EXO1: variants seen among roughly 807,000 people sequenced by gnomAD.
EXO1 encodes exonuclease 1.
Under a neutral mutation model 84.5 loss-of-function variants are expected in EXO1, and 69 were observed. The observed-to-expected ratio is 0.82, with a 90% CI of 0.67 to 1.00. EXO1 has a LOEUF of 1.00. Among genes scored for constraint, EXO1 ranks in the 50% least tolerant of loss-of-function variants. The pLI is 0.00. For missense variants in EXO1, 1,045 were observed against 1,000.7 expected (o/e 1.04, Z -0.60); for synonymous variants, 373 against 366.1 (o/e 1.02, Z -0.21).
Position 241,853,445 on chromosome 1 carries a change from C to T in EXO1, c.369C>T (p.Ile123=), listed in dbSNP as rs140831046. The part of the protein sequence containing the change: ...SEARECFTRS[I]NITHAMAHKV... ...CTCGAGAGTGTTTCACCCGGTCTAT[C>T]AATATCACACATGCCATGGCCCACA... The change falls in exon 6 of 16, where the codon ATC becomes ATT. Residue 123 remains isoleucine, a synonymous_variant. Coordinates refer to ENST00000366548, the MANE Select transcript of EXO1 (RefSeq NM_130398.4). 1.4e-5 allele frequency: 23 copies of T among 1,613,944 alleles called. No individual in the cohort carries two copies. The African/African-American group carries it at 2.9e-4, about 21-fold the overall frequency.
Position 241,889,809 on chromosome 1 carries a change from T to G in EXO1, c.*209T>G. On this transcript the variant is annotated 3_prime_UTR_variant, in exon 16 of 16. Transcript: ENST00000366548. ...TTTTATAAGAAGCTAAATAGAAGAA[T>G]AATTGTATCTCTGACAGGTTTTTGG... The G allele has an allele frequency of 1.8e-6, 1 of 563,878 alleles. No individual in the cohort carries two copies. The highest frequency in any genetic ancestry group is 3.1e-5 in the Admixed American group (1 of 32,698). 34.9% of individuals were successfully genotyped at this position (563,878 alleles called of 1,614,324 possible).
At chr1:241,866,029 C>T (rs2797600) in intron 10 of EXO1, among the ~76,000 whole-genome samples, 76,614 of 151,998 alleles carry the variant, frequency 0.5, 19,566 homozygotes, top group East Asian at 0.71. Flanking sequence ...TAATTTTTTC[C>T]CTTTGGCTGT....
intron 10 of EXO1, among the ~76,000 whole-genome samples, chr1:241,861,898 A>G (rs1355323796): frequency 6.6e-6 from 1 of 151,896 alleles, no homozygotes; most frequent in East Asian, 1.9e-4. Flanking sequence ...CAAATATTTA[A>G]TGCACGCCCC....
chr1:241,851,397 A>G (rs1660662573), intron 4 of EXO1, among the ~76,000 whole-genome samples: 1 of 152,174 alleles, frequency 6.6e-6, no homozygotes, highest in South Asian at 2.1e-4. Context: ...CAATGTAGTG[A>G]GTCTTTCATC....
intron 6 of EXO1, 50 bp downstream of exon 6, chr1:241,853,531 G>A (rs775943886): frequency 6.2e-6 from 10 of 1,604,976 alleles, no homozygotes; most frequent in Middle Eastern, 1.6e-4. Context: ...GTTACAACTT[G>A]TTTATTGATG....
intron 11 of EXO1, among the ~76,000 whole-genome samples, chr1:241,869,732 TTCCTTCCCTCCCTCCCTCCTTCCTTCC>T (rs1661971032): frequency 7.0e-6 from 1 of 143,434 alleles, no homozygotes; most frequent in Non-Finnish European, 1.5e-5. Context: ...TCTTCCTTCC[TTCCTTCCCTCCCTCCCTCCTTCCTTCC>T]TTCCTTCCCT....
rs761498862 is a variant in EXO1, at chr1:241,858,506, G to A, written c.544G>A (p.Val182Ile). 35 of 1,610,224 alleles carry A rather than the reference G, an allele frequency of 2.2e-5. No individual in the cohort carries two copies. In the East Asian group the frequency reaches 7.8e-4, roughly 36 times the overall value. The change falls in exon 8 of 16, where the codon GTA (valine) becomes ATA (isoleucine). Residue 182 changes from valine (V) to isoleucine (I), a missense_variant and splice_region_variant. Val to Ile is a conservative substitution (Grantham distance 29). Transcript: ENST00000366548. The stretch of plus-strand genomic sequence containing the variant: ...TTAACAATTTCCCTTCCTTTTGAAG[G>A]TAATTTTAAAGATGGACCAGTTTGG... ...SDLLAFGCKKVILKMDQFGNG... is the reference protein window; with the variant it reads ...SDLLAFGCKKIILKMDQFGNG...
In EXO1 at chr1:241,889,720, T is replaced by C; in HGVS notation, c.*120T>C. On this transcript the variant is annotated 3_prime_UTR_variant, in exon 16 of 16. Transcript: ENST00000366548. ...TTCTCATTCTGTGCCATTTTAAAAA[T>C]AGAATACATTTTGTATATTAACTTT... The C allele has an allele frequency of 1.0e-6, 1 of 972,434 alleles. No individual in the cohort carries two copies. Among genetic ancestry groups the C allele is most frequent in the South Asian group, 1.3e-5 (1 of 75,548 alleles). The allele number at this position is 972,434 out of a possible 1,614,324, so 60.2% of individuals were successfully genotyped here.
In EXO1 at chr1:241,866,492, G is replaced by A. The variant is rs186033921; in HGVS notation, c.1042-338G>A. ...TTATTTCTTGCACCATTTGTATTAC[G>A]AAGATTTTTATTTATTTATTTATTT... On this transcript the variant is annotated intron_variant, in intron 10 of 15. Coordinates refer to ENST00000366548, the MANE Select transcript of EXO1 (RefSeq NM_130398.4). Among the ~76,000 whole-genome samples the A allele has an allele frequency of 4.0e-5, 6 of 150,872 alleles. No individual in the cohort carries two copies. In the East Asian group the frequency reaches 5.8e-4, roughly 15 times the overall value.
intron 12 of EXO1, among the ~76,000 whole-genome samples, chr1:241,875,069 T>G (rs1238998150): frequency 6.6e-6 from 1 of 152,206 alleles, no homozygotes; most frequent in Admixed American, 6.5e-5. Context: ...AGTGGCGCCA[T>G]CTCGGCTCAC....
chr1:241,859,161 G>T (rs1661231079), intron 8 of EXO1, among the ~76,000 whole-genome samples: 1 of 152,066 alleles, frequency 6.6e-6, no homozygotes, highest in African/African-American at 2.4e-5. Context: ...AAATTTAAAT[G>T]TTTATCAATT....
intron 11 of EXO1, among the ~76,000 whole-genome samples, chr1:241,868,426 C>G (rs558968701): frequency 5.3e-5 from 8 of 151,716 alleles, no homozygotes; most frequent in Non-Finnish European, 1.2e-4. Flanking sequence ...TGGTTATTCT[C>G]CAAAGCTGCA....
At chr1:241,879,768 G>T (rs930506002) in intron 13 of EXO1, among the ~76,000 whole-genome samples, 3 of 152,170 alleles carry the variant, frequency 2.0e-5, no homozygotes, top group Non-Finnish European at 4.4e-5. Context: ...ACTTTGGGAG[G>T]CCGAGGCGAG....
chr1:241,873,635 A>T lies in EXO1; in HGVS notation c.1514+1357A>T, dbSNP rs186065467. Among the ~76,000 whole-genome samples, 4 of 152,344 alleles carry T rather than the reference A, an allele frequency of 2.6e-5. No individual in the cohort carries two copies. In the East Asian group the frequency reaches 7.7e-4, roughly 29 times the overall value. On this transcript the variant is annotated intron_variant, in intron 12 of 15. Coordinates refer to ENST00000366548, the MANE Select transcript of EXO1 (RefSeq NM_130398.4). ...ATGCCATGCTAGGTGCTATAGTTCA[A>T]AAATGAGAAAGACAGTTTTTGTTTT...
chr1:241,874,866 A>G (rs1198960550), intron 12 of EXO1, among the ~76,000 whole-genome samples: 1 of 152,256 alleles, frequency 6.6e-6, no homozygotes, highest in Non-Finnish European at 1.5e-5. Flanking sequence ...TGGTGCCACA[A>G]CATGAAAAAG....
chr1:241,872,527 G>A (rs1426725449), intron 12 of EXO1, among the ~76,000 whole-genome samples: 2 of 152,062 alleles, frequency 1.3e-5, no homozygotes, highest in Admixed American at 6.5e-5. Context: ...GCCACAGGCC[G>A]GGGTGTGTGA....
intron 6 of EXO1, among the ~76,000 whole-genome samples, chr1:241,856,090 C>T (rs1443134558): frequency 6.6e-6 from 1 of 152,174 alleles, no homozygotes; most frequent in Non-Finnish European, 1.5e-5. Context: ...AGAGGAGGCG[C>T]CGAGAGCGAG....
At chr1:241,888,357 G>A (rs979003061) in intron 15 of EXO1, among the ~76,000 whole-genome samples, 9 of 152,256 alleles carry the variant, frequency 5.9e-5, no homozygotes, top group African/African-American at 1.9e-4. Flanking sequence ...CTGCAAGTGC[G>A]CAGAGGTGGA....
chr1:241,871,753 G>A (rs1662099748), intron 11 of EXO1, among the ~76,000 whole-genome samples: 1 of 151,944 alleles, frequency 6.6e-6, no homozygotes, highest in Non-Finnish European at 1.5e-5. Context: ...CGCCACACAG[G>A]ATTGATTGTG....
Sources: gnomAD v4.1 joint callset for allele counts (sites outside exome capture counted in the v4.1 genomes callset) on GRCh38, gnomAD v4.1.1 for gene constraint, MANE v1.5 for transcripts, NCBI Gene and HGNC (gene_info 2026-07-23, HGNC 2026-07-21) for gene names.